The following PRKN variants were observed in gnomAD, a reference collection of about 807,000 sequenced individuals.
PRKN encodes the protein E3 ubiquitin-protein ligase parkin.
In PRKN, 56 loss-of-function variants were observed where a neutral mutation model predicts 59.5. That is an observed-to-expected ratio of 0.94 (90% CI 0.76 to 1.18). The LOEUF (loss-of-function observed/expected upper bound fraction) is 1.18. Ranked by LOEUF, PRKN falls within the 50% of genes most tolerant of loss-of-function variation. PRKN has a pLI of 0.00. For synonymous variants in PRKN, 250 were observed against 222.1 expected (o/e 1.13, Z -1.12); for missense variants, 657 against 596.4 (o/e 1.10, Z -1.06).
chr6:162,116,503 C>G (rs1168652296), intron 4 of PRKN, among the ~76,000 whole-genome samples: 4 of 152,150 alleles, frequency 2.6e-5, no homozygotes, highest in Admixed American at 6.5e-5. Flanking sequence ...TTGTCACGCC[C>G]TTTTCAATCA....
intron 1 of PRKN, among the ~76,000 whole-genome samples, chr6:162,607,239 T>C (rs150181391): frequency 1.0e-3 from 154 of 152,246 alleles, no homozygotes; most frequent in African/African-American, 3.6e-3. Context: ...ATAAATGACA[T>C]TGGTGAGAGA....
chr6:161,793,615 A>C (rs771970806), intron 6 of PRKN, among the ~76,000 whole-genome samples: 1 of 151,698 alleles, frequency 6.6e-6, no homozygotes, highest in Non-Finnish European at 1.5e-5. Flanking sequence ...TATAGAGTTG[A>C]AGACAAATAA....
intron 1 of PRKN, among the ~76,000 whole-genome samples, chr6:162,447,975 C>A (rs1166170777): frequency 6.6e-6 from 1 of 152,136 alleles, no homozygotes; most frequent in East Asian, 1.9e-4. Flanking sequence ...TCGGTGAAGT[C>A]CTTTTAGATG....
chr6:162,619,767 T>C (rs942639715), intron 1 of PRKN, among the ~76,000 whole-genome samples: 7 of 152,108 alleles, frequency 4.6e-5, no homozygotes, highest in African/African-American at 1.4e-4. Flanking sequence ...GACTGAAGCA[T>C]GTTGAATAAA....
At chr6:162,383,640 G>A (rs1786619891) in intron 2 of PRKN, among the ~76,000 whole-genome samples, 1 of 152,202 alleles carries the variant, frequency 6.6e-6, no homozygotes, top group South Asian at 2.1e-4. Flanking sequence ...TCAACTTAAA[G>A]TCACCAGGTA....
intron 2 of PRKN, among the ~76,000 whole-genome samples, chr6:162,374,641 A>G (rs991120474): frequency 6.7e-6 from 1 of 150,374 alleles, no homozygotes; most frequent in Non-Finnish European, 1.5e-5. Context: ...TATTATTTTC[A>G]GTTTTCGGTC....
chr6:162,430,391 T>C lies in PRKN; in HGVS notation c.171+12919A>G, dbSNP rs1326442946. 3.9e-5 allele frequency among the ~76,000 whole-genome samples: 6 copies of C among 152,240 alleles called. No individual in the cohort carries two copies. The East Asian group carries it at 9.7e-4, about 25-fold the overall frequency. On this transcript the variant is annotated intron_variant, in intron 2 of 11. Transcript: ENST00000366898. ...AAAGGTCAAAATGGCATAAGCTACA[T>C]TCCAACCCATGTGGCCCACCTCCTA...
rs150834886 is a variant in PRKN at position 161,397,696 on chromosome 6, T to G, written c.1084-10819A>C. 6.9e-4 allele frequency among the ~76,000 whole-genome samples: 105 copies of G among 152,216 alleles called. 1 individual carries two copies. The highest frequency in any genetic ancestry group is 3.9e-3 in the South Asian group (19 of 4,828). ...TGGCAATCATCAAACCTTTGCAGAA[T>G]AAACAAGCAGTAGTAGCTGGAAAAG... On this transcript the variant is annotated intron_variant, in intron 9 of 11. Transcript: ENST00000366898. The surrounding 1 kb of genome is among the most constrained non-coding windows in gnomAD (Gnocchi z 4.2).
intron 7 of PRKN, among the ~76,000 whole-genome samples, chr6:161,583,436 G>A (rs939133816): frequency 6.6e-6 from 1 of 151,768 alleles, no homozygotes; most frequent in Non-Finnish European, 1.5e-5. Context: ...TAGAAGCGTT[G>A]GTGTCAGATT....
chr6:161,471,653 C>T lies in PRKN; in HGVS notation c.1083+77201G>A, dbSNP rs147814598. Among the ~76,000 whole-genome samples, 24 of 152,174 alleles carry T rather than the reference C, an allele frequency of 1.6e-4. No individual in the cohort carries two copies. In the East Asian group the frequency reaches 4.4e-3, roughly 28 times the overall value. On this transcript the variant is annotated intron_variant, in intron 9 of 11. Coordinates refer to ENST00000366898, the MANE Select transcript of PRKN (RefSeq NM_004562.3). This position sits in a 1 kb window ranked among gnomAD's most constrained non-coding sequence, Gnocchi z 4.5. ...AAACAGAATCAGGATTCAAAAACATCCCCCCACCGTCTGACATCACTGGGT... is the reference window on the plus strand; with the variant it reads ...AAACAGAATCAGGATTCAAAAACATTCCCCCACCGTCTGACATCACTGGGT...
intron 7 of PRKN, among the ~76,000 whole-genome samples, chr6:161,615,705 A>G (rs1290156841): frequency 1.3e-5 from 2 of 152,254 alleles, no homozygotes; most frequent in African/African-American, 4.8e-5. Context: ...GCAATGCCAC[A>G]GGGCAGAATC....
chr6:162,319,109 A>T (rs1782873947), intron 2 of PRKN, among the ~76,000 whole-genome samples: 1 of 152,032 alleles, frequency 6.6e-6, no homozygotes. Flanking sequence ...ATTAAGTCAC[A>T]AATTGATTTT....
chr6:161,652,265 T>TAGTGATAGA (rs1784176453), intron 7 of PRKN, among the ~76,000 whole-genome samples: 1 of 152,160 alleles, frequency 6.6e-6, no homozygotes, highest in South Asian at 2.1e-4. Flanking sequence ...AAAGTCAGGG[T>TAGTGATAGA]AGTGATAGAC....
chr6:162,556,368 T>TGCGC (rs1779588757), intron 1 of PRKN, among the ~76,000 whole-genome samples: 2 of 98,054 alleles, frequency 2.0e-5, no homozygotes, highest in Non-Finnish European at 4.8e-5. Context: ...TGTGTGTGTG[T>TGCGC]GTGTGTGTGT....
intron 2 of PRKN, among the ~76,000 whole-genome samples, chr6:162,307,385 G>T (rs760424798): frequency 2.8e-5 from 4 of 141,992 alleles, no homozygotes; most frequent in Non-Finnish European, 6.0e-5. Context: ...GGGCGGCAAA[G>T]AGACACCGTC....
intron 6 of PRKN, among the ~76,000 whole-genome samples, chr6:161,799,289 T>C (rs1049866468): frequency 2.8e-4 from 43 of 152,222 alleles, no homozygotes; most frequent in African/African-American, 1.0e-3. Flanking sequence ...GTTTATGTTC[T>C]CAGTGACTGA....
chr6:162,519,993 T>G (rs1418789359), intron 1 of PRKN, among the ~76,000 whole-genome samples: 1 of 152,218 alleles, frequency 6.6e-6, no homozygotes, highest in Admixed American at 6.5e-5. Context: ...CTCATGCCTG[T>G]AATCCCAATG....
chr6:161,543,608 G>T (rs1309144366), intron 9 of PRKN, among the ~76,000 whole-genome samples: 10 of 152,118 alleles, frequency 6.6e-5, no homozygotes. Flanking sequence ...TCACTAATAT[G>T]ATTTTTGAAA....
At chr6:161,846,584 TAGTTCTTA>T (rs1793206774) in intron 6 of PRKN, among the ~76,000 whole-genome samples, 2 of 151,488 alleles carry the variant, frequency 1.3e-5, no homozygotes, top group Admixed American at 1.3e-4. Flanking sequence ...GATTACATCA[TAGTTCTTA>T]CATAAAATTA....
Sources: gnomAD v4.1 joint callset for allele counts (sites outside exome capture counted in the v4.1 genomes callset) on GRCh38, gnomAD v4.1.1 for gene constraint, Gnocchi (gnomAD v3.1) non-coding constraint, MANE v1.5 for transcripts, NCBI Gene and HGNC (gene_info 2026-07-23, HGNC 2026-07-21) for gene names.